GSS: variants seen among roughly 807,000 people sequenced by gnomAD.
GSS encodes GSH synthetase.
A neutral mutation model predicts 60.4 loss-of-function variants in GSS; 34 were observed. The ratio of observed to expected loss-of-function variants is 0.56; its 90% CI spans 0.43 to 0.75. GSS has a LOEUF of 0.75. Ranked by LOEUF, GSS falls within the 30% of genes least tolerant of loss-of-function variation. GSS has a pLI of 0.00. For synonymous variants in GSS, 224 were observed against 239.0 expected, an observed-to-expected ratio of 0.94 and a Z score of 0.58; for missense variants, 499 against 595.1, an observed-to-expected ratio of 0.84 and a Z score of 1.68.
chr20:34,946,098 C>A lies in GSS; in HGVS notation c.130G>T (p.Val44Leu), dbSNP rs1348966186. The change falls in exon 3 of 13, where the codon GTG (valine) becomes TTG (leucine). Residue 44 changes from valine (V) to leucine (L), a missense_variant and splice_region_variant. By Grantham distance (32) the Val-to-Leu change is conservative. Transcript: ENST00000651619. ...AGCGTGAATGGGGCATAGCTCACCA[C>A]CTGTGATCAAGAAGAGAGAATGGGA... ...RTSQEPTSSE[V>L]VSYAPFTLFP... is the part of the protein sequence containing the mutation. 14 of 1,607,984 alleles carry A rather than the reference C, an allele frequency of 8.7e-6. No homozygotes were observed. Among genetic ancestry groups the A allele is most frequent in the Non-Finnish European group, 1.0e-5 (12 of 1,175,264 alleles).
chr20:34,941,132 G>A (rs568230883), intron 6 of GSS, among the ~76,000 whole-genome samples: 5 of 152,238 alleles, frequency 3.3e-5, no homozygotes, highest in Middle Eastern at 3.4e-3. Flanking sequence ...CAAGGTGGGC[G>A]GATCACGAGG....
intron 9 of GSS, among the ~76,000 whole-genome samples, chr20:34,933,133 A>C (rs34457683): frequency 8.5e-5 from 13 of 152,330 alleles, no homozygotes; most frequent in African/African-American, 3.1e-4. Context: ...GGTACGAGCC[A>C]CAGTAAATGG....
intron 6 of GSS, among the ~76,000 whole-genome samples, chr20:34,939,822 C>T (rs1301169625): frequency 1.3e-5 from 2 of 152,044 alleles, no homozygotes; most frequent in South Asian, 2.1e-4. Context: ...GTGCCTGCCA[C>T]CATGCCTGGC....
intron 9 of GSS, among the ~76,000 whole-genome samples, chr20:34,934,671 G>A (rs1346534452): frequency 6.6e-6 from 1 of 152,136 alleles, no homozygotes; most frequent in Non-Finnish European, 1.5e-5. Context: ...ATGTTCTATC[G>A]AGATACCACC....
rs1028995425 is a variant in GSS at position 34,955,778 on chromosome 20, A to G, written c.-60T>C. The stretch of plus-strand genomic sequence containing the variant: ...TCTCCCGGCCCTCGCGCCGCTACCC[A>G]GGCTCAGGGGGCGGGGCCTCGATGC... On this transcript the variant is annotated 5_prime_UTR_variant, in exon 1 of 13. Transcript: ENST00000651619. The G allele has an allele frequency of 6.6e-6, 1 of 152,150 alleles. No individual in the cohort carries two copies. 9.4% of individuals were successfully genotyped at this position (152,150 alleles called of 1,614,324 possible). A position where few individuals can be genotyped will look rare whatever the true frequency, so the allele number is the denominator to read the frequency against.
chr20:34,951,703 G>A (rs774453438), intron 2 of GSS, 21 bp downstream of exon 2: 12 of 1,592,724 alleles, frequency 7.5e-6, no homozygotes, highest in Non-Finnish European at 9.4e-6. Flanking sequence ...TGAATGCTGT[G>A]GGGAGGAGCT....
intron 12 of GSS, 129 bp from the exon 13 acceptor site, chr20:34,929,080 CTAT>C (rs2081377224): frequency 7.3e-6 from 8 of 1,098,854 alleles, no homozygotes; most frequent in Non-Finnish European, 1.1e-5. Context: ...TTTAGAGTCT[CTAT>C]GCCTCTCTGG....
intron 9 of GSS, chr20:34,933,691 C>T (rs1569010379): frequency 6.6e-6 from 1 of 152,278 alleles, no homozygotes; most frequent in African/African-American, 2.4e-5. Context: ...AACTACTAGT[C>T]TGGCATTCCA....
In GSS at chr20:34,953,011, T is replaced by C. The variant is rs2081581562; in HGVS notation, c.-8-1151A>G. On this transcript the variant is annotated intron_variant, in intron 1 of 12. Coordinates refer to ENST00000651619, the MANE Select transcript of GSS (RefSeq NM_000178.4). Reference sequence around the variant, plus strand: ...CAGAAAATATTTTTGAGAAATCACATTAGCAAGATGGAAATTGCTGAAACC... The same window carrying C: ...CAGAAAATATTTTTGAGAAATCACACTAGCAAGATGGAAATTGCTGAAACC... Among the ~76,000 whole-genome samples, 3 of 152,226 alleles carry C rather than the reference T, an allele frequency of 2.0e-5. No individual in the cohort carries two copies. The South Asian group carries it at 6.2e-4, about 32-fold the overall frequency.
intron 10 of GSS, 108 bp downstream of exon 10, chr20:34,931,831 T>C: frequency 9.5e-7 from 1 of 1,049,628 alleles, no homozygotes; most frequent in Admixed American, 1.9e-5. Flanking sequence ...CCTTGCCAGC[T>C]CCACCTTCCC....
intron 2 of GSS, among the ~76,000 whole-genome samples, chr20:34,947,833 T>A (rs2081534694): frequency 1.3e-5 from 2 of 152,164 alleles, no homozygotes; most frequent in African/African-American, 4.8e-5. Flanking sequence ...TTCTAGATAT[T>A]TTCATATATG....
chr20:34,934,662 T>A (rs1483246713), intron 9 of GSS, among the ~76,000 whole-genome samples: 1 of 152,148 alleles, frequency 6.6e-6, no homozygotes, highest in Non-Finnish European at 1.5e-5. Context: ...AAGAAAAGGA[T>A]GTTCTATCGA....
intron 9 of GSS, chr20:34,934,078 G>C (rs932989868): frequency 6.6e-6 from 1 of 151,520 alleles, no homozygotes; most frequent in South Asian, 2.1e-4. Flanking sequence ...TCAGGAGGCC[G>C]AGGCAGGAGA....
At chr20:34,951,927 C>A in intron 1 of GSS, 67 bp from the exon 2 acceptor site, 1 of 1,564,012 alleles carries the variant, frequency 6.4e-7, no homozygotes, top group East Asian at 2.2e-5. Flanking sequence ...CCGAAACTGG[C>A]TGGCGGCCAC....
chr20:34,932,686 C>G (rs888562579), intron 9 of GSS, among the ~76,000 whole-genome samples: 9 of 152,192 alleles, frequency 5.9e-5, no homozygotes, highest in Admixed American at 5.9e-4. Flanking sequence ...GAAGGCTTCC[C>G]TGTCCACTCT....
rs781666523 is a variant in GSS, at chr20:34,946,031, T to C, written c.197A>G (p.Tyr66Cys). The C allele has an allele frequency of 1.9e-6, 3 of 1,613,872 alleles. No individual in the cohort carries two copies. Among genetic ancestry groups the C allele is most frequent in the South Asian group, 2.2e-5 (2 of 91,076 alleles). ...CAGGTTGAAGTCCATCTGCACAGCA[T>C]AGGCTTGCTCCAGCAGGGCACTGGG... ...LVPSALLEQA[Y>C]AVQMDFNLLV... Residue 66 changes from tyrosine to cysteine, a missense_variant, in exon 3 of 13, where the codon TAT (tyrosine) becomes TGT (cysteine). Transcript: ENST00000651619.
In GSS at chr20:34,931,645, G is replaced by A; in HGVS notation, c.1030-228C>T. 2.0e-5 allele frequency: 13 copies of A among 636,966 alleles called. No individual in the cohort carries two copies. The South Asian group carries it at 2.4e-4, about 12-fold the overall frequency. 39.5% of individuals were successfully genotyped at this position (636,966 alleles called of 1,614,324 possible). On this transcript the variant is annotated intron_variant, in intron 10 of 12. Coordinates refer to ENST00000651619, the MANE Select transcript of GSS (RefSeq NM_000178.4). The stretch of plus-strand genomic sequence containing the variant: ...TTTAGCAACAGCTCAGGGCTCTGCA[G>A]CAGGCAGCCTGATACACTTCTCAAT...
intron 2 of GSS, among the ~76,000 whole-genome samples, chr20:34,950,583 T>C (rs1368185431): frequency 6.8e-6 from 1 of 148,078 alleles, no homozygotes; most frequent in Admixed American, 6.8e-5. Flanking sequence ...CTGGACAACA[T>C]GGTGAAACCC....
intron 3 of GSS, among the ~76,000 whole-genome samples, chr20:34,945,052 G>A (rs961830924): frequency 4.4e-4 from 66 of 150,674 alleles, no homozygotes; most frequent in Admixed American, 2.4e-3. Flanking sequence ...ATGGAGTCTC[G>A]CTCTGTCGCC....
Sources: allele counts gnomAD v4.1 joint callset (sites outside exome capture counted in the v4.1 genomes callset), GRCh38; gene constraint gnomAD v4.1.1; transcripts MANE v1.5; gene names NCBI Gene and HGNC (gene_info 2026-07-23, HGNC 2026-07-21).